The following DOCK3 variants were observed in gnomAD, a reference collection of about 807,000 sequenced individuals.
DOCK3 encodes the protein dedicator of cytokinesis 3, also known as dedicator of cytokinesis protein 3.
DOCK3 carries 60 observed loss-of-function variants against 265.6 expected under a neutral mutation model. That is an observed-to-expected ratio of 0.23 (90% CI 0.18 to 0.28). The LOEUF (loss-of-function observed/expected upper bound fraction) is 0.28. DOCK3 is among the 10% of genes least tolerant of loss of function. The pLI is 1.00. For synonymous variants in DOCK3, 881 were observed against 938.0 expected (o/e 0.94, Z 1.11); for missense variants, 1,981 against 2,594.3 (o/e 0.76, Z 5.14).
At chr3:50,688,554 C>T (rs1340153921) in intron 1 of DOCK3, among the ~76,000 whole-genome samples, 1 of 152,162 alleles carries the variant, frequency 6.6e-6, no homozygotes, top group Non-Finnish European at 1.5e-5. Flanking sequence ...CCTCTGCCTC[C>T]TGGGTTCAAG....
chr3:50,916,019 G>A (rs2050099915), intron 4 of DOCK3, among the ~76,000 whole-genome samples: 4 of 152,026 alleles, frequency 2.6e-5, no homozygotes, highest in Middle Eastern at 3.4e-3. Flanking sequence ...ATGTCTGCTC[G>A]CCCCCAGAGC....
intron 3 of DOCK3, among the ~76,000 whole-genome samples, chr3:50,858,444 A>ATAATAATAATAG (rs1474444534): frequency 1.6e-5 from 2 of 122,416 alleles, no homozygotes; most frequent in Admixed American, 1.7e-4. Flanking sequence ...AATAATAATA[A>ATAATAATAATAG]TAATAATAAA....
At chr3:50,775,106 T>C (rs752855878) in intron 1 of DOCK3, among the ~76,000 whole-genome samples, 4 of 152,060 alleles carry the variant, frequency 2.6e-5, no homozygotes, top group Non-Finnish European at 5.9e-5. Context: ...AGATTAGCCG[T>C]AATTTTCCTT....
At chr3:51,044,772 A>G (rs915699071) in intron 5 of DOCK3, among the ~76,000 whole-genome samples, 1 of 152,034 alleles carries the variant, frequency 6.6e-6, no homozygotes, top group Non-Finnish European at 1.5e-5. Context: ...TTGCATTTTT[A>G]TGTTGTGGAG....
chr3:50,764,515 A>G (rs1350910688), intron 1 of DOCK3, among the ~76,000 whole-genome samples: 1 of 152,182 alleles, frequency 6.6e-6, no homozygotes, highest in East Asian at 1.9e-4. Context: ...GGATTTTGGT[A>G]TTTAGGAATT....
At chr3:51,283,516 C>T (rs1266954622) in intron 27 of DOCK3, among the ~76,000 whole-genome samples, 5 of 152,194 alleles carry the variant, frequency 3.3e-5, no homozygotes, top group Non-Finnish European at 5.9e-5. Context: ...AATGCAGCTC[C>T]ATGTGTCTCT....
chr3:50,895,201 C>T (rs1384321377), intron 4 of DOCK3, among the ~76,000 whole-genome samples: 1 of 148,010 alleles, frequency 6.8e-6, no homozygotes, highest in African/African-American at 2.5e-5. Context: ...TATTTTATCC[C>T]CGCTTTTTTT....
intron 5 of DOCK3, among the ~76,000 whole-genome samples, chr3:50,967,245 C>T (rs1195726154): frequency 6.6e-6 from 1 of 152,058 alleles, no homozygotes; most frequent in Non-Finnish European, 1.5e-5. Context: ...TTTTAGCTCC[C>T]ACGTATGAGT....
intron 4 of DOCK3, among the ~76,000 whole-genome samples, chr3:50,906,469 G>C (rs917407230): frequency 9.9e-5 from 15 of 151,874 alleles, no homozygotes; most frequent in Admixed American, 9.8e-4. Context: ...CAGGGATTCA[G>C]CTTCTTCCTG....
At chr3:51,209,771 A>G (rs1428904388) in intron 13 of DOCK3, among the ~76,000 whole-genome samples, 1 of 152,232 alleles carries the variant, frequency 6.6e-6, no homozygotes, top group Non-Finnish European at 1.5e-5. Flanking sequence ...ATACTCAACT[A>G]GGAGGATCCT....
At chr3:51,019,486 A>C (rs762516275) in intron 5 of DOCK3, among the ~76,000 whole-genome samples, 1 of 151,742 alleles carries the variant, frequency 6.6e-6, no homozygotes, top group African/African-American at 2.4e-5. Context: ...TTTTATTGTA[A>C]GTTCTGGGGT....
chr3:51,054,121 TAAA>T (rs35733959), intron 5 of DOCK3, among the ~76,000 whole-genome samples: 13 of 84,984 alleles, frequency 1.5e-4, no homozygotes, highest in Admixed American at 1.2e-3. Flanking sequence ...CGTAGCTTCC[TAAA>T]AAAAAAAAAA....
At chr3:50,717,593 C>T (rs948093689) in intron 1 of DOCK3, among the ~76,000 whole-genome samples, 2 of 151,998 alleles carry the variant, frequency 1.3e-5, no homozygotes, top group Non-Finnish European at 2.9e-5. Context: ...TTTCTGTCCG[C>T]ACCTGATACT....
chr3:51,217,842 G>C (rs1232041566), intron 14 of DOCK3, among the ~76,000 whole-genome samples: 1 of 152,200 alleles, frequency 6.6e-6, no homozygotes, highest in Non-Finnish European at 1.5e-5. Flanking sequence ...GTCAGGCCAG[G>C]CACAGTGGCT....
intron 12 of DOCK3, among the ~76,000 whole-genome samples, chr3:51,182,900 G>A (rs1204662484): frequency 1.3e-5 from 2 of 152,184 alleles, no homozygotes; most frequent in Non-Finnish European, 2.9e-5. Flanking sequence ...CTGCGGAATT[G>A]GTGGTGTACC....
intron 39 of DOCK3, among the ~76,000 whole-genome samples, chr3:51,349,396 G>A (rs932299828): frequency 5.9e-5 from 9 of 152,164 alleles, no homozygotes; most frequent in African/African-American, 1.7e-4. Context: ...GAAGGTCTGC[G>A]CCAAATTTTT....
At chr3:50,794,367 T>C (rs2042652608) in intron 2 of DOCK3, among the ~76,000 whole-genome samples, 1 of 152,180 alleles carries the variant, frequency 6.6e-6, no homozygotes, top group African/African-American at 2.4e-5. Context: ...TGGGAGTCTG[T>C]GTCTCTTTGT....
chr3:50,948,019 C>T (rs2076477415), intron 5 of DOCK3, among the ~76,000 whole-genome samples: 1 of 103,790 alleles, frequency 9.6e-6, no homozygotes, highest in South Asian at 3.5e-4. Context: ...CCACGCCCAG[C>T]TAATTATTAT....
chr3:51,158,079 A>C (rs1467342072), intron 10 of DOCK3, among the ~76,000 whole-genome samples: 1 of 152,172 alleles, frequency 6.6e-6, no homozygotes, highest in Non-Finnish European at 1.5e-5. Context: ...CATTAAGGAC[A>C]AAGGTTATTC....
Sources: gnomAD v4.1 joint callset for allele counts (sites outside exome capture counted in the v4.1 genomes callset) on GRCh38, gnomAD v4.1.1 for gene constraint, MANE v1.5 for transcripts, NCBI Gene and HGNC (gene_info 2026-07-23, HGNC 2026-07-21) for gene names.